The following CLCA2 variants were observed in gnomAD, a reference collection of about 807,000 sequenced individuals.
CLCA2 encodes calcium-activated chloride channel regulator 2.
Under a neutral mutation model 82.9 loss-of-function variants are expected in CLCA2, and 85 were observed. That is an observed-to-expected ratio of 1.03 (90% CI 0.86 to 1.23). The LOEUF is 1.23. Ranked by LOEUF, CLCA2 falls within the 50% of genes most tolerant of loss-of-function variation. The pLI is 0.00. For missense variants in CLCA2, 1,089 were observed against 1,124.8 expected (o/e 0.97, Z 0.45); for synonymous variants, 421 against 391.7 (o/e 1.07, Z -0.88).
intron 6 of CLCA2, among the ~76,000 whole-genome samples, chr1:86,436,720 GT>G (rs533993297): frequency 0.055 from 8,142 of 148,870 alleles, 227 homozygotes; most frequent in Middle Eastern, 0.11. Flanking sequence ...TGTTGTTTTG[GT>G]TTTTTTTTTG....
At chr1:86,431,975 G>A (rs752766203) in intron 4 of CLCA2, among the ~76,000 whole-genome samples, 11 of 152,122 alleles carry the variant, frequency 7.2e-5, no homozygotes, top group South Asian at 2.1e-4. Flanking sequence ...CGCTCCTGTC[G>A]CCCAGGCTGG....
Position 86,455,395 on chromosome 1 carries a change from T to A in CLCA2, c.2700T>A (p.Tyr900Ter). The A allele has an allele frequency of 1.2e-6, 2 of 1,609,104 alleles. No individual in the cohort carries two copies. Among genetic ancestry groups the A allele is most frequent in the Non-Finnish European group, 1.7e-6 (2 of 1,178,476 alleles). The change falls in exon 14 of 14, where the codon TAT becomes TAA. Residue 900 changes from tyrosine (Y) to a stop codon, truncating the protein, a stop_gained. Transcript: ENST00000370565. LOFTEE classifies it low-confidence loss of function (END_TRUNC). Reference protein sequence around the residue: ...PNSDPVPARDYLILKGVLTAM... With the variant: ...PNSDPVPARD ...CTGATCCTGTACCTGCCAGAGATTATCTTATATTGAAAGGAGTTTTAACAG... is the reference window on the plus strand; with the variant it reads ...CTGATCCTGTACCTGCCAGAGATTAACTTATATTGAAAGGAGTTTTAACAG...
chr1:86,454,795 CAA>C (rs1275346372), intron 13 of CLCA2, among the ~76,000 whole-genome samples: 1 of 148,246 alleles, frequency 6.7e-6, no homozygotes, highest in African/African-American at 2.5e-5. Flanking sequence ...CCATCTCAAA[CAA>C]AACAAAACAA....
At chr1:86,434,434 T>A (rs1452262788) in intron 5 of CLCA2, 84 bp from the exon 6 acceptor site, 2 of 1,120,356 alleles carry the variant, frequency 1.8e-6, no homozygotes, top group Non-Finnish European at 2.6e-6. Context: ...CACCTTTTCT[T>A]TTACCTATAG....
intron 4 of CLCA2, among the ~76,000 whole-genome samples, chr1:86,431,462 A>G (rs1014927671): frequency 1.3e-5 from 2 of 152,222 alleles, no homozygotes; most frequent in African/African-American, 4.8e-5. Flanking sequence ...CACGCAGTTC[A>G]TAGCATTACA....
chr1:86,443,620 A>G (rs906831290), intron 9 of CLCA2, among the ~76,000 whole-genome samples, 167 bp from the exon 10 acceptor site: 3 of 152,244 alleles, frequency 2.0e-5, no homozygotes, highest in East Asian at 3.8e-4. Context: ...AACATGCAAT[A>G]TTTTGCTTTG....
At chr1:86,449,114 T>A (rs1322892409) in intron 11 of CLCA2, among the ~76,000 whole-genome samples, 1 of 152,272 alleles carries the variant, frequency 6.6e-6, no homozygotes, top group Non-Finnish European at 1.5e-5. Context: ...TTAACACGCA[T>A]GTACATAGTT....
chr1:86,440,184 GTGA>G lies in CLCA2; in HGVS notation c.1245_1247del (p.Met415del), dbSNP rs1662695439. 2 of 1,614,146 alleles carry G rather than the reference GTGA, an allele frequency of 1.2e-6. No individual in the cohort carries two copies. The highest frequency in any genetic ancestry group is 2.2e-5 in the East Asian group (1 of 44,878). ...ACTGAATGGAAAAGCTTATGGCTCT[GTGA>G]TGATATTAGTGACCAGCGGAGATGA... is the stretch of plus-strand genomic sequence containing the variant. On this transcript the variant is annotated inframe_deletion, in exon 8 of 14. Coordinates refer to ENST00000370565, the MANE Select transcript of CLCA2 (RefSeq NM_006536.7).
intron 2 of CLCA2, among the ~76,000 whole-genome samples, chr1:86,427,601 G>A (rs1334144): frequency 0.59 from 88,583 of 151,358 alleles, 26,088 homozygotes; most frequent in Non-Finnish European, 0.63. Flanking sequence ...TGTACATAGA[G>A]TGATAATTGT....
chr1:86,442,990 T>C (rs1000978189), intron 9 of CLCA2, among the ~76,000 whole-genome samples: 2 of 152,216 alleles, frequency 1.3e-5, no homozygotes, highest in African/African-American at 4.8e-5. Context: ...ATGTTACACA[T>C]GTGTGTGCAC....
intron 9 of CLCA2, 31 bp downstream of exon 9, chr1:86,441,574 G>A (rs1662738231): frequency 7.0e-7 from 1 of 1,424,752 alleles, no homozygotes; most frequent in Non-Finnish European, 9.9e-7. Context: ...ATATTTCCAG[G>A]TGGGGAGTGG....
At chr1:86,449,407 CA>C (rs1470951978) in intron 11 of CLCA2, among the ~76,000 whole-genome samples, 1 of 152,138 alleles carries the variant, frequency 6.6e-6, no homozygotes, top group Non-Finnish European at 1.5e-5. Context: ...CTTTCTGCCT[CA>C]GTTATTAAAA....
At chr1:86,436,699 T>TTTG (rs961775897) in intron 6 of CLCA2, among the ~76,000 whole-genome samples, 9 of 151,712 alleles carry the variant, frequency 5.9e-5, no homozygotes, top group Admixed American at 1.3e-4. Context: ...ACTAGGGCAT[T>TTTG]TTGTTGTTGT....
intron 10 of CLCA2, among the ~76,000 whole-genome samples, chr1:86,444,778 A>G (rs964347448): frequency 2.0e-5 from 3 of 152,164 alleles, no homozygotes; most frequent in Non-Finnish European, 4.4e-5. Context: ...CTGAAAGTGA[A>G]AGGGAACCAC....
At chr1:86,436,699 T>G (rs1330213534) in intron 6 of CLCA2, among the ~76,000 whole-genome samples, 1 of 151,712 alleles carries the variant, frequency 6.6e-6, no homozygotes, top group Non-Finnish European at 1.5e-5. Context: ...ACTAGGGCAT[T>G]TTGTTGTTGT....
rs1350376246 is a variant in CLCA2 at position 86,441,426 on chromosome 1, A to G, written c.1382-11A>G. ...CATTTTAATAGTGAACACTCCTATC[A>G]TGTATTTCAGGAGGTTTAAAGTTCT... On this transcript the variant is annotated splice_polypyrimidine_tract_variant and intron_variant, in intron 8 of 13. Coordinates refer to ENST00000370565, the MANE Select transcript of CLCA2 (RefSeq NM_006536.7). 2.7e-6 allele frequency: 4 copies of G among 1,504,958 alleles called. No individual in the cohort carries two copies. The African/African-American group carries it at 5.5e-5, about 21-fold the overall frequency. The allele number at this position is 1,504,958 out of a possible 1,614,324, so 93.2% of individuals were successfully genotyped here.
chr1:86,431,578 C>A (rs35489949), intron 4 of CLCA2, among the ~76,000 whole-genome samples: 42,527 of 151,998 alleles, frequency 0.28, 6,470 homozygotes, highest in Non-Finnish European at 0.34. Flanking sequence ...TCTTCTCCTA[C>A]AATTGCCACT....
chr1:86,441,975 T>C (rs999890886), intron 9 of CLCA2, among the ~76,000 whole-genome samples: 1 of 152,252 alleles, frequency 6.6e-6, no homozygotes, highest in Non-Finnish European at 1.5e-5. Context: ...CTACCACAAA[T>C]ATCTAAATAT....
intron 4 of CLCA2, among the ~76,000 whole-genome samples, chr1:86,432,069 A>G (rs11161818): frequency 0.55 from 84,036 of 151,530 alleles, 23,971 homozygotes; most frequent in Non-Finnish European, 0.63. Flanking sequence ...CTCAGTAGCT[A>G]GGATTACAGG....
Sources: allele counts gnomAD v4.1 joint callset (sites outside exome capture counted in the v4.1 genomes callset), GRCh38; gene constraint gnomAD v4.1.1; transcripts MANE v1.5; gene names NCBI Gene and HGNC (gene_info 2026-07-23, HGNC 2026-07-21).